The following FER1L6 variants were observed in gnomAD, a reference collection of about 807,000 sequenced individuals.
The protein encoded by FER1L6 is fer-1-like protein 6.
FER1L6 carries 177 observed loss-of-function variants against 219.2 expected under a neutral mutation model. The observed-to-expected ratio is 0.81, with a 90% CI of 0.71 to 0.91. FER1L6 has a LOEUF of 0.91. Ranked by LOEUF, FER1L6 falls within the 40% of genes least tolerant of loss-of-function variation. The pLI is 0.00. For synonymous variants in FER1L6, 768 were observed against 824.3 expected, an observed-to-expected ratio of 0.93 and a Z score of 1.17; for missense variants, 2,153 against 2,259.9, an observed-to-expected ratio of 0.95 and a Z score of 0.96.
In FER1L6 at chr8:123,909,766, CTA is replaced by C. The variant is rs1228640762; in HGVS notation, c.-7-46225_-7-46224del. ...TGACAATGATAGCTGTCCTTGTCAA[CTA>C]GGGGATGATGTAGCTGTCCTTGTCA... On this transcript the variant is annotated intron_variant, in intron 1 of 40. Coordinates refer to ENST00000522917, the MANE Select transcript of FER1L6 (RefSeq NM_001039112.2). Among the ~76,000 whole-genome samples, 8 of 8,016 alleles carry C rather than the reference CTA, an allele frequency of 1.0e-3. No homozygotes were observed. In the East Asian group the frequency reaches 0.013, roughly 13 times the overall value. 5.3% of individuals were successfully genotyped at this position (8,016 alleles called of 152,430 possible). A position where few individuals can be genotyped will look rare whatever the true frequency, so the allele number is the denominator to read the frequency against.
chr8:123,852,865 TC>T lies in FER1L6; in HGVS notation c.-8+682del, dbSNP rs1816538904. Among the ~76,000 whole-genome samples the T allele has an allele frequency of 2.0e-5, 3 of 152,178 alleles. No individual in the cohort carries two copies. The highest frequency in any genetic ancestry group is 2.0e-4 in the Admixed American group (3 of 15,268). On this transcript the variant is annotated intron_variant, in intron 1 of 40. Coordinates refer to ENST00000522917, the MANE Select transcript of FER1L6 (RefSeq NM_001039112.2). This position sits in a 1 kb window ranked among gnomAD's most constrained non-coding sequence, Gnocchi z 4.9. ...TGTCTTTTTCTGTTCTAGGAGCCAG[TC>T]CAGAATCCCACATTGTAATTTTTGG...
chr8:123,980,959 T>TGATCCTCTGCCC, intron 11 of FER1L6, 148 bp downstream of exon 11: 2 of 659,468 alleles, frequency 3.0e-6, no homozygotes, highest in South Asian at 4.0e-5. Context: ...GTTCTCAGGC[T>TGATCCTCTGCCC]GATCCTCTGC....
chr8:123,988,128 G>C (rs565328313), intron 12 of FER1L6, among the ~76,000 whole-genome samples: 1 of 145,786 alleles, frequency 6.9e-6, no homozygotes, highest in African/African-American at 2.7e-5. Context: ...AAAAAAAAGA[G>C]TTCAGTATAG....
intron 32 of FER1L6, among the ~76,000 whole-genome samples, chr8:124,077,345 A>G (rs1392660297): frequency 6.6e-6 from 1 of 152,152 alleles, no homozygotes; most frequent in Non-Finnish European, 1.5e-5. Context: ...TAGTGTGTTT[A>G]ATTTCTTTTA....
chr8:124,070,709 T>TA lies in FER1L6; in HGVS notation c.3966+113dup, dbSNP rs1198545460. 4.3e-6 allele frequency: 4 copies of TA among 930,718 alleles called. No individual in the cohort carries two copies. In the African/African-American group the frequency reaches 6.9e-5, roughly 16 times the overall value. 57.7% of individuals were successfully genotyped at this position (930,718 alleles called of 1,614,324 possible). A position where few individuals can be genotyped will look rare whatever the true frequency, so the allele number is the denominator to read the frequency against. On this transcript the variant is annotated intron_variant, in intron 30 of 40. Coordinates refer to ENST00000522917, the MANE Select transcript of FER1L6 (RefSeq NM_001039112.2). ...GTGGGATGTGTGTAGGGAAAATCCT[T>TA]AATTTTTACTCAAGTCCCTCTCTAG...
At chr8:123,914,144 G>A (rs1200714143) in intron 1 of FER1L6, among the ~76,000 whole-genome samples, 1 of 152,188 alleles carries the variant, frequency 6.6e-6, no homozygotes, top group Non-Finnish European at 1.5e-5. Flanking sequence ...ATGTTCAGTA[G>A]TCACATAGAT....
intron 1 of FER1L6, among the ~76,000 whole-genome samples, chr8:123,880,535 C>T (rs1371287853): frequency 1.3e-5 from 2 of 152,166 alleles, no homozygotes; most frequent in Non-Finnish European, 2.9e-5. Context: ...CCACCCAATA[C>T]CCACTGGGCT....
At chr8:123,954,375 G>T (rs914189673) in intron 1 of FER1L6, among the ~76,000 whole-genome samples, 1 of 152,108 alleles carries the variant, frequency 6.6e-6, no homozygotes, top group Non-Finnish European at 1.5e-5. Flanking sequence ...TCCTTGCAAA[G>T]TAGTTCACTC....
intron 1 of FER1L6, among the ~76,000 whole-genome samples, chr8:123,891,477 C>T (rs1812647031): frequency 1.3e-5 from 2 of 151,826 alleles, no homozygotes; most frequent in Non-Finnish European, 2.9e-5. Context: ...GGCATAGGAC[C>T]TACTACATTT....
chr8:124,105,987 G>A (rs959913460), intron 39 of FER1L6, among the ~76,000 whole-genome samples: 2 of 152,162 alleles, frequency 1.3e-5, no homozygotes, highest in Non-Finnish European at 2.9e-5. Flanking sequence ...AGTTGCCAGG[G>A]ACTGGGGTAG....
At chr8:124,101,480 C>T (rs1484597449) in intron 38 of FER1L6, 142 bp downstream of exon 38, 4 of 695,232 alleles carry the variant, frequency 5.8e-6, no homozygotes, top group Non-Finnish European at 9.4e-6. Context: ...CCCAAATAGC[C>T]ATTAATAGGG....
chr8:123,880,133 C>G (rs575353522), intron 1 of FER1L6, among the ~76,000 whole-genome samples: 1 of 152,200 alleles, frequency 6.6e-6, no homozygotes, highest in East Asian at 1.9e-4. Flanking sequence ...GCAAGAAATT[C>G]CTCGTCGGCA....
chr8:123,976,225 G>A (rs1816066437), intron 9 of FER1L6, 141 bp downstream of exon 9: 7 of 671,394 alleles, frequency 1.0e-5, no homozygotes, highest in Non-Finnish European at 1.7e-5. Flanking sequence ...AATGGGGCCA[G>A]GCGAGGTGGC....
intron 1 of FER1L6, among the ~76,000 whole-genome samples, chr8:123,926,936 TTG>T (rs1227520485): frequency 6.6e-6 from 1 of 152,174 alleles, no homozygotes; most frequent in Non-Finnish European, 1.5e-5. Context: ...TTGTAACATA[TTG>T]GACTCCAAAG....
At chr8:124,109,167 G>A (rs28665503) in intron 39 of FER1L6, among the ~76,000 whole-genome samples, 3,028 of 152,300 alleles carry the variant, frequency 0.02, 100 homozygotes, top group African/African-American at 0.069. Flanking sequence ...GTCCAATAAA[G>A]TGGTGAGGCT....
chr8:123,957,216 T>C (rs955756674), intron 2 of FER1L6, among the ~76,000 whole-genome samples: 2 of 152,216 alleles, frequency 1.3e-5, no homozygotes, highest in African/African-American at 2.4e-5. Context: ...CCTATCCTTA[T>C]GGTAGAAAAG....
At chr8:123,966,522 G>A (rs1586528617) in intron 5 of FER1L6, among the ~76,000 whole-genome samples, 2 of 152,200 alleles carry the variant, frequency 1.3e-5, no homozygotes, top group African/African-American at 2.4e-5. Flanking sequence ...TCACTGCTAC[G>A]TTTTCAACAT....
chr8:124,032,702 C>T (rs902993780), intron 18 of FER1L6, among the ~76,000 whole-genome samples: 28 of 146,896 alleles, frequency 1.9e-4, no homozygotes, highest in African/African-American at 6.5e-4. Context: ...GACTGCACCA[C>T]GTCACTCCAG....
At chr8:124,038,060 T>C (rs1819297019) in intron 19 of FER1L6, among the ~76,000 whole-genome samples, 1 of 152,172 alleles carries the variant, frequency 6.6e-6, no homozygotes, top group African/African-American at 2.4e-5. Flanking sequence ...AGTTTCCGAT[T>C]GCCTCGTTCA....
Sources: allele counts gnomAD v4.1 joint callset (sites outside exome capture counted in the v4.1 genomes callset), GRCh38; gene constraint gnomAD v4.1.1; non-coding constraint Gnocchi (gnomAD v3.1); transcripts MANE v1.5; gene names NCBI Gene and HGNC (gene_info 2026-07-23, HGNC 2026-07-21).